ETNK2: variants seen among roughly 807,000 people sequenced by gnomAD.
ETNK2 encodes ethanolamine kinase-like protein.
Under a neutral mutation model 46.2 loss-of-function variants are expected in ETNK2, and 33 were observed. The ratio of observed to expected loss-of-function variants is 0.71; its 90% CI spans 0.54 to 0.96. ETNK2 has a LOEUF of 0.96. Ranked by LOEUF, ETNK2 falls within the 40% of genes least tolerant of loss-of-function variation. ETNK2 has a pLI of 0.00. For synonymous variants in ETNK2, 194 were observed against 209.0 expected, an observed-to-expected ratio of 0.93 and a Z score of 0.62; for missense variants, 445 against 509.7, an observed-to-expected ratio of 0.87 and a Z score of 1.22.
intron 5 of ETNK2, among the ~76,000 whole-genome samples, chr1:204,138,144 A>G (rs1657359727): frequency 6.6e-6 from 1 of 152,144 alleles, no homozygotes; most frequent in Admixed American, 6.5e-5. Context: ...GTACAAACGG[A>G]GGCCCAGAGA....
intron 2 of ETNK2, chr1:204,147,023 G>C (rs978824931): frequency 1.6e-5 from 10 of 611,232 alleles, no homozygotes; most frequent in African/African-American, 7.3e-5. Flanking sequence ...GGAGCAGAAG[G>C]GCAGAGCAGT....
chr1:204,143,562 T>C (rs1270373899), intron 3 of ETNK2, among the ~76,000 whole-genome samples: 2 of 152,044 alleles, frequency 1.3e-5, no homozygotes, highest in African/African-American at 4.8e-5. Flanking sequence ...CACCACCGCA[T>C]CCCAGAAACA....
intron 2 of ETNK2, 48 bp downstream of exon 2, chr1:204,149,655 C>G: frequency 6.6e-7 from 1 of 1,525,452 alleles, no homozygotes; most frequent in Non-Finnish European, 8.8e-7. Flanking sequence ...ATTTCCAAGC[C>G]CAAGGCCTGA....
intron 3 of ETNK2, among the ~76,000 whole-genome samples, chr1:204,145,805 C>T (rs188776457): frequency 4.6e-5 from 7 of 152,302 alleles, no homozygotes; most frequent in East Asian, 3.9e-4. Flanking sequence ...CAGCAGGGAG[C>T]GTGAAGGAAT....
intron 7 of ETNK2, among the ~76,000 whole-genome samples, chr1:204,134,296 G>T (rs976404808): frequency 3.9e-5 from 6 of 152,206 alleles, no homozygotes; most frequent in African/African-American, 1.4e-4. Flanking sequence ...CACCTCCTAC[G>T]AGGAACAGGG....
chr1:204,137,545 A>G (rs1475292365), intron 5 of ETNK2, among the ~76,000 whole-genome samples: 10 of 152,186 alleles, frequency 6.6e-5, no homozygotes. Flanking sequence ...CCCTCAAGAC[A>G]GCACCACTGT....
In ETNK2 at chr1:204,132,170, G is replaced by A. The variant is rs759156287; in HGVS notation, c.*14C>T. 30 of 1,561,872 alleles carry A rather than the reference G, an allele frequency of 1.9e-5. No individual in the cohort carries two copies. In the South Asian group the frequency reaches 3.5e-4, roughly 18 times the overall value. On this transcript the variant is annotated 3_prime_UTR_variant, in exon 8 of 8. Transcript: ENST00000367202. ...TGGCCAGACAGATGGGTAGGGGAGG[G>A]ATGGGGTGGCTGGTCACTTTGGCAT...
Position 204,151,523 on chromosome 1 carries a change from A to G in ETNK2, c.258+72T>C. 1.3e-6 allele frequency: 2 copies of G among 1,527,008 alleles called. No individual in the cohort carries two copies. The allele number at this position is 1,527,008 out of a possible 1,614,324, so 94.6% of individuals were successfully genotyped here. A position where few individuals can be genotyped will look rare whatever the true frequency, so the allele number is the denominator to read the frequency against. Reference sequence around the variant, plus strand: ...TGGGACTGACACCCGGAAGGATGCGAGGACTGGGTCCCCGCATCCCCCTGG... The same window carrying G: ...TGGGACTGACACCCGGAAGGATGCGGGGACTGGGTCCCCGCATCCCCCTGG... On this transcript the variant is annotated intron_variant, in intron 1 of 7. Transcript: ENST00000367202. The surrounding 1 kb of genome is among the most constrained non-coding windows in gnomAD (Gnocchi z 8.0).
chr1:204,148,165 C>G (rs186473530), intron 2 of ETNK2, among the ~76,000 whole-genome samples: 2 of 152,082 alleles, frequency 1.3e-5, no homozygotes, highest in Non-Finnish European at 2.9e-5. Context: ...TCACCTTCAC[C>G]CAGAGGGATG....
chr1:204,139,223 C>G (rs1048970545), intron 5 of ETNK2, among the ~76,000 whole-genome samples: 29 of 152,314 alleles, frequency 1.9e-4, no homozygotes, highest in South Asian at 1.4e-3. Context: ...AGGCAAACAG[C>G]TACTTGTAGC....
At chr1:204,149,615 A>C in intron 2 of ETNK2, 88 bp downstream of exon 2, 1 of 1,456,284 alleles carries the variant, frequency 6.9e-7, no homozygotes, top group South Asian at 1.4e-5. Context: ...AGATCTTACA[A>C]CTCTCCACCA....
chr1:204,144,286 C>T (rs952376517), intron 3 of ETNK2, among the ~76,000 whole-genome samples: 3 of 127,708 alleles, frequency 2.3e-5, no homozygotes, highest in African/African-American at 6.0e-5. Context: ...GCAGAGGTTG[C>T]GGTGAGCTGA....
chr1:204,146,883 G>C (rs1450973747), intron 2 of ETNK2, 119 bp from the exon 3 acceptor site: 3 of 1,290,808 alleles, frequency 2.3e-6, no homozygotes, highest in Non-Finnish European at 3.3e-6. Flanking sequence ...AGAGGGCCAA[G>C]GATGGGATGA....
chr1:204,132,338 GT>G, intron 7 of ETNK2, 82 bp from the exon 8 acceptor site: 2 of 985,518 alleles, frequency 2.0e-6, no homozygotes, highest in African/African-American at 1.6e-5. Context: ...CATGAGAAAA[GT>G]TTTTCAGTGG....
chr1:204,134,691 G>T, intron 6 of ETNK2, 103 bp from the exon 7 acceptor site: 1 of 1,608,122 alleles, frequency 6.2e-7, no homozygotes, highest in Non-Finnish European at 8.5e-7. Flanking sequence ...ACACAGCTAG[G>T]ACCCTGGAAG....
rs553472385 is a variant in ETNK2, at chr1:204,143,659, C to G, written c.642-2202G>C. Reference sequence around the variant, plus strand: ...GGGGCTGGAGGTCTCTGCAGGGAAGCCTTGGGGTTCCTCCTGATATTGGGA... The same window carrying G: ...GGGGCTGGAGGTCTCTGCAGGGAAGGCTTGGGGTTCCTCCTGATATTGGGA... On this transcript the variant is annotated intron_variant, in intron 3 of 7. Transcript: ENST00000367202. Among the ~76,000 whole-genome samples, 531 of 152,300 alleles carry G rather than the reference C, an allele frequency of 3.5e-3. 2 individuals carry two copies. Among genetic ancestry groups the G allele is most frequent in the South Asian group, 4.6e-3 (22 of 4,822 alleles).
Position 204,140,281 on chromosome 1 carries a change from T to TCCA in ETNK2, c.785-164_785-163insTGG, listed in dbSNP as rs1284135808. ...GCAGCAGTCTTCCAAGCTACTTCCA[T>TCCA]TCATCCATCCATCCATCCATCCATC... is the stretch of plus-strand genomic sequence containing the variant. On this transcript the variant is annotated intron_variant, in intron 4 of 7. Coordinates refer to ENST00000367202, the MANE Select transcript of ETNK2 (RefSeq NM_018208.4). Among the ~76,000 whole-genome samples the TCCA allele has an allele frequency of 4.7e-3, 647 of 136,284 alleles. 5 individuals are homozygous for TCCA. Among genetic ancestry groups the TCCA allele is most frequent in the African/African-American group, 0.018 (587 of 32,614 alleles). The allele number at this position is 136,284 out of a possible 152,430, so 89.4% of individuals were successfully genotyped here.
Position 204,146,697 on chromosome 1 carries a change from G to C in ETNK2, c.586C>G (p.Leu196Val). 1 of 1,614,066 alleles carries C rather than the reference G, an allele frequency of 6.2e-7. No individual in the cohort carries two copies. The highest frequency in any genetic ancestry group is 1.1e-5 in the South Asian group (1 of 91,084). The change falls in exon 3 of 8, where the codon CTC (leucine) becomes GTC (valine). Residue 196 changes from leucine (L) to valine (V), a missense_variant. Transcript: ENST00000367202. The part of the protein sequence containing the change: ...HANGSLPKPI[L>V]WHKMHNYFTL... Reference sequence around the variant, plus strand: ...AAATAATTGTGCATCTTGTGCCAGAGGATGGGCTTGGGCAGGCTGCCGTTG... The same window carrying C: ...AAATAATTGTGCATCTTGTGCCAGACGATGGGCTTGGGCAGGCTGCCGTTG...
At chr1:204,147,490 C>T (rs1222779598) in intron 2 of ETNK2, 1 of 533,302 alleles carries the variant, frequency 1.9e-6, no homozygotes. Flanking sequence ...TGATAAAGAC[C>T]CCATCGCCCG....
Sources: gnomAD v4.1 joint callset for allele counts (sites outside exome capture counted in the v4.1 genomes callset) on GRCh38, gnomAD v4.1.1 for gene constraint, Gnocchi (gnomAD v3.1) non-coding constraint, MANE v1.5 for transcripts, NCBI Gene and HGNC (gene_info 2026-07-23, HGNC 2026-07-21) for gene names.